The following SSBP2 variants were observed in gnomAD, a reference collection of about 807,000 sequenced individuals.
The protein encoded by SSBP2 is single-stranded DNA-binding protein 2.
In SSBP2, 17 loss-of-function variants were observed where a neutral mutation model predicts 61.8. The ratio of observed to expected loss-of-function variants is 0.28; its 90% CI spans 0.19 to 0.41. The LOEUF (loss-of-function observed/expected upper bound fraction) is 0.41. Ranked by LOEUF, SSBP2 falls within the 10% of genes least tolerant of loss-of-function variation. The probability of loss-of-function intolerance (pLI) is 1.00; values close to 1 mark genes in which losing one functional copy is unlikely to be tolerated. For missense variants in SSBP2, 310 were observed against 458.7 expected, an observed-to-expected ratio of 0.68 and a Z score of 2.96; for synonymous variants, 139 against 141.3, an observed-to-expected ratio of 0.98 and a Z score of 0.12.
chr5:81,591,510 T>C (rs1168062129), intron 4 of SSBP2, among the ~76,000 whole-genome samples: 1 of 152,046 alleles, frequency 6.6e-6, no homozygotes, highest in Non-Finnish European at 1.5e-5. Context: ...AAAATATTTA[T>C]GACTAATACA....
At chr5:81,484,965 T>C (rs1226259311) in intron 6 of SSBP2, among the ~76,000 whole-genome samples, 1 of 152,190 alleles carries the variant, frequency 6.6e-6, no homozygotes, top group Admixed American at 6.5e-5. Flanking sequence ...CTGAATTCTA[T>C]AGGATCAACA....
intron 4 of SSBP2, among the ~76,000 whole-genome samples, chr5:81,565,361 T>A (rs959808579): frequency 3.9e-5 from 6 of 152,100 alleles, no homozygotes; most frequent in Non-Finnish European, 8.8e-5. Flanking sequence ...ATAAAAAAAA[T>A]TTGTAAAGCT....
chr5:81,451,555 T>C (rs1369873293), intron 10 of SSBP2, among the ~76,000 whole-genome samples: 1 of 152,114 alleles, frequency 6.6e-6, no homozygotes, highest in East Asian at 1.9e-4. Flanking sequence ...GCCTCCCAAG[T>C]AGTTGGGATT....
intron 4 of SSBP2, among the ~76,000 whole-genome samples, chr5:81,600,095 G>C (rs1276263355): frequency 6.6e-6 from 1 of 152,118 alleles, no homozygotes; most frequent in Middle Eastern, 3.4e-3. Flanking sequence ...TTTAAAAGAC[G>C]GTGATTAAGA....
At chr5:81,707,312 T>C (rs1262605892) in intron 1 of SSBP2, among the ~76,000 whole-genome samples, 1 of 152,048 alleles carries the variant, frequency 6.6e-6, no homozygotes, top group East Asian at 1.9e-4. Flanking sequence ...TGACCTAATG[T>C]GGAAATAAGG....
chr5:81,732,338 A>G (rs1214590203), intron 1 of SSBP2, among the ~76,000 whole-genome samples: 1 of 152,224 alleles, frequency 6.6e-6, no homozygotes, highest in East Asian at 1.9e-4. Flanking sequence ...TATGTAACAG[A>G]GTAACAATAA....
chr5:81,473,686 C>G lies in SSBP2; in HGVS notation c.570+14G>C. ...CCATATCTTTGCTATTGTAAATATG[C>G]ACTGATTATTTACCTGTGGTCCTAA... is the stretch of plus-strand genomic sequence containing the variant. On this transcript the variant is annotated intron_variant, in intron 8 of 16. Transcript: ENST00000320672. 1 of 1,612,946 alleles carries G rather than the reference C, an allele frequency of 6.2e-7. No homozygotes were observed. Among genetic ancestry groups the G allele is most frequent in the Non-Finnish European group, 8.5e-7 (1 of 1,179,086 alleles).
At chr5:81,675,740 G>T (rs976720197) in intron 1 of SSBP2, among the ~76,000 whole-genome samples, 4 of 152,054 alleles carry the variant, frequency 2.6e-5, no homozygotes, top group African/African-American at 9.7e-5. Context: ...TGCAATCCTT[G>T]TTTTAGTTTA....
chr5:81,629,657 A>G (rs1179050409), intron 3 of SSBP2, among the ~76,000 whole-genome samples: 3 of 152,184 alleles, frequency 2.0e-5, no homozygotes, highest in African/African-American at 7.2e-5. Context: ...CTGTGTTGCT[A>G]TTATAACCAG....
intron 5 of SSBP2, among the ~76,000 whole-genome samples, chr5:81,490,470 C>T (rs575041092): frequency 6.7e-4 from 101 of 151,740 alleles, no homozygotes; most frequent in East Asian, 2.5e-3. Context: ...TCAAATCTAA[C>T]GGGTTGAATG....
At chr5:81,493,213 T>C (rs1418938373) in intron 5 of SSBP2, among the ~76,000 whole-genome samples, 6 of 151,380 alleles carry the variant, frequency 4.0e-5, no homozygotes, top group Admixed American at 2.0e-4. Context: ...CAAAAACATA[T>C]ATATATCAAA....
intron 16 of SSBP2, among the ~76,000 whole-genome samples, chr5:81,424,802 T>C (rs2153896125): frequency 2.0e-5 from 3 of 152,366 alleles, no homozygotes; most frequent in Middle Eastern, 6.8e-3. Flanking sequence ...GAGTAGGTGT[T>C]AAATGGAGTA....
At chr5:81,675,931 A>C (rs929920244) in intron 1 of SSBP2, among the ~76,000 whole-genome samples, 1 of 152,102 alleles carries the variant, frequency 6.6e-6, no homozygotes, top group Non-Finnish European at 1.5e-5. Flanking sequence ...CTCATTCCAC[A>C]CATTTTCCTC....
At chr5:81,446,013 A>G (rs1763379782) in intron 12 of SSBP2, among the ~76,000 whole-genome samples, 1 of 152,180 alleles carries the variant, frequency 6.6e-6, no homozygotes, top group Non-Finnish European at 1.5e-5. Context: ...CACCTTAAAC[A>G]TTAATTTACT....
At chr5:81,658,542 CTTT>C (rs1750423601) in intron 1 of SSBP2, among the ~76,000 whole-genome samples, 1 of 152,124 alleles carries the variant, frequency 6.6e-6, no homozygotes, top group Non-Finnish European at 1.5e-5. Context: ...TACAGTTATA[CTTT>C]TTTATGTTGT....
At chr5:81,565,539 T>C (rs1356003369) in intron 4 of SSBP2, among the ~76,000 whole-genome samples, 1 of 152,168 alleles carries the variant, frequency 6.6e-6, no homozygotes, top group Non-Finnish European at 1.5e-5. Flanking sequence ...CCCTATACTA[T>C]AGTAATATAA....
intron 9 of SSBP2, among the ~76,000 whole-genome samples, chr5:81,462,794 A>G (rs917117061): frequency 2.0e-5 from 3 of 152,180 alleles, no homozygotes; most frequent in Non-Finnish European, 4.4e-5. Context: ...ACTTGGGAAC[A>G]TTTATCTTAA....
chr5:81,583,317 C>T (rs571291019), intron 4 of SSBP2, among the ~76,000 whole-genome samples: 1 of 152,016 alleles, frequency 6.6e-6, no homozygotes, highest in Non-Finnish European at 1.5e-5. Context: ...CACATGTATG[C>T]CTCTTCTTCA....
At chr5:81,546,447 G>A (rs142245551) in intron 4 of SSBP2, among the ~76,000 whole-genome samples, 105 of 151,022 alleles carry the variant, frequency 7.0e-4, no homozygotes, top group African/African-American at 1.8e-3. Context: ...CTTTATGCTA[G>A]GGCACTAACT....
Sources: gnomAD v4.1 joint callset for allele counts (sites outside exome capture counted in the v4.1 genomes callset) on GRCh38, gnomAD v4.1.1 for gene constraint, MANE v1.5 for transcripts, NCBI Gene and HGNC (gene_info 2026-07-23, HGNC 2026-07-21) for gene names.